Variants in KCNH5 observed in about 807,000 individuals in gnomAD.
The protein encoded by KCNH5 is voltage-gated delayed rectifier potassium channel KCNH5.
In KCNH5, 46 loss-of-function variants were observed where a neutral mutation model predicts 96.1. The observed-to-expected ratio is 0.48, with a 90% CI of 0.38 to 0.61. The LOEUF (loss-of-function observed/expected upper bound fraction) is 0.61, where lower values mean the gene tolerates loss of function less well. KCNH5 is among the 20% of genes least tolerant of loss of function. The pLI is 0.00. For missense variants in KCNH5, 907 were observed against 1,225.8 expected (o/e 0.74, Z 3.88); for synonymous variants, 439 against 449.8 (o/e 0.98, Z 0.30).
At position 62,707,587 on chromosome 14, in the gene KCNH5, G is replaced by T; in HGVS notation, c.2888C>A (p.Pro963His). The T allele has an allele frequency of 1.3e-6, 2 of 1,531,652 alleles. No individual in the cohort carries two copies. Among genetic ancestry groups the T allele is most frequent in the Middle Eastern group, 1.8e-4 (1 of 5,660 alleles). 94.9% of individuals were successfully genotyped at this position (1,531,652 alleles called of 1,614,324 possible). The change falls in exon 11 of 11, where the codon CCC (proline) becomes CAC (histidine). Residue 963 changes from proline to histidine, a missense_variant. By Grantham distance (77) the Pro-to-His change is moderately conservative. Coordinates refer to ENST00000322893, the MANE Select transcript of KCNH5 (RefSeq NM_139318.5). ...PKSQMPLQVP[P>H]QIPCQDIFSV... is the part of the protein sequence containing the mutation. ...AAAAATATCCTGACATGGTATCTGG[G>T]GGGGTACTTGGAGTGGCATTTGGGA...
intron 6 of KCNH5, among the ~76,000 whole-genome samples, chr14:62,978,809 G>T (rs537522289): frequency 6.6e-6 from 1 of 152,206 alleles, no homozygotes; most frequent in East Asian, 1.9e-4. Flanking sequence ...ATAATTGCAT[G>T]TATTTACTAT....
At chr14:62,773,268 A>G (rs1351733558) in intron 10 of KCNH5, among the ~76,000 whole-genome samples, 1 of 152,244 alleles carries the variant, frequency 6.6e-6, no homozygotes, top group East Asian at 1.9e-4. Context: ...ATAAAATGAA[A>G]TTGGTGATAT....
intron 7 of KCNH5, among the ~76,000 whole-genome samples, chr14:62,903,560 G>T (rs949766348): frequency 3.3e-5 from 5 of 152,158 alleles, no homozygotes; most frequent in Admixed American, 3.3e-4. Flanking sequence ...TAATATGTAA[G>T]GTCCTCTTCA....
chr14:62,872,491 C>A (rs1048369816), intron 7 of KCNH5, among the ~76,000 whole-genome samples: 5 of 152,068 alleles, frequency 3.3e-5, no homozygotes, highest in Non-Finnish European at 5.9e-5. Flanking sequence ...GAGATCAAGA[C>A]CATTCTAGCT....
intron 8 of KCNH5, among the ~76,000 whole-genome samples, chr14:62,804,248 A>G (rs1034559553): frequency 6.6e-6 from 1 of 152,124 alleles, no homozygotes; most frequent in Non-Finnish European, 1.5e-5. Context: ...CTGCTCACCC[A>G]CCTTTCTGAA....
intron 8 of KCNH5, among the ~76,000 whole-genome samples, chr14:62,808,196 T>C (rs1886807007): frequency 6.6e-6 from 1 of 152,154 alleles, no homozygotes; most frequent in African/African-American, 2.4e-5. Context: ...GGACTTTTGG[T>C]AAAAGATTCT....
chr14:62,969,984 G>C (rs1487913661), intron 6 of KCNH5, among the ~76,000 whole-genome samples: 1 of 141,304 alleles, frequency 7.1e-6, no homozygotes, highest in Non-Finnish European at 1.5e-5. Flanking sequence ...GTTGCAGTGA[G>C]CTGAGACTGC....
At chr14:62,827,768 C>A (rs1017376507) in intron 8 of KCNH5, among the ~76,000 whole-genome samples, 2 of 152,070 alleles carry the variant, frequency 1.3e-5, no homozygotes, top group African/African-American at 2.4e-5. Flanking sequence ...CCCAGGTATA[C>A]AATGGGCCAG....
intron 8 of KCNH5, among the ~76,000 whole-genome samples, chr14:62,848,804 G>A (rs1282878532): frequency 1.3e-5 from 2 of 152,114 alleles, no homozygotes; most frequent in East Asian, 3.9e-4. Flanking sequence ...GGCCAGGAAA[G>A]TATTATGCCA....
At chr14:62,809,456 G>A (rs1037817431) in intron 8 of KCNH5, among the ~76,000 whole-genome samples, 5 of 152,034 alleles carry the variant, frequency 3.3e-5, no homozygotes, top group African/African-American at 1.2e-4. Context: ...CAGGGTTTCT[G>A]ACCTATGGTA....
At chr14:62,776,087 T>G (rs774679590) in intron 10 of KCNH5, among the ~76,000 whole-genome samples, 3 of 152,018 alleles carry the variant, frequency 2.0e-5, no homozygotes, top group Admixed American at 6.5e-5. Flanking sequence ...ACCAACATGG[T>G]GAAACCCTGT....
At chr14:62,971,805 A>T (rs1040527870) in intron 6 of KCNH5, among the ~76,000 whole-genome samples, 1 of 148,788 alleles carries the variant, frequency 6.7e-6, no homozygotes, top group Non-Finnish European at 1.5e-5. Context: ...TAGCCAAATT[A>T]AAAAAAAAAG....
intron 9 of KCNH5, among the ~76,000 whole-genome samples, chr14:62,798,445 A>C (rs529424624): frequency 1.4e-4 from 22 of 152,338 alleles, no homozygotes; most frequent in African/African-American, 5.3e-4. Flanking sequence ...AAATCTGTTC[A>C]CATTAAGTAA....
At chr14:62,831,374 A>C (rs946539346) in intron 8 of KCNH5, among the ~76,000 whole-genome samples, 9 of 152,174 alleles carry the variant, frequency 5.9e-5, no homozygotes, top group Non-Finnish European at 1.0e-4. Context: ...TAATCTGTAA[A>C]TTTAGAGAAA....
intron 7 of KCNH5, among the ~76,000 whole-genome samples, chr14:62,884,354 G>T (rs781304680): frequency 7.7e-4 from 117 of 152,190 alleles, no homozygotes; most frequent in Non-Finnish European, 1.4e-3. Context: ...GCCGGGCACG[G>T]TGGTTCACAC....
At position 63,004,078 on chromosome 14, in the gene KCNH5, A is replaced by G. The variant is rs563468367; in HGVS notation, c.304+2288T>C. On this transcript the variant is annotated intron_variant, in intron 3 of 10. Transcript: ENST00000322893. ...GATGCCGCAATTCCCCCATTTGCAA[A>G]ATGGTGTTTAACTTAATTGCTTAAA... 9.9e-5 allele frequency among the ~76,000 whole-genome samples: 15 copies of G among 152,252 alleles called. No individual in the cohort carries two copies. In the South Asian group the frequency reaches 3.1e-3, roughly 32 times the overall value.
At chr14:62,988,895 T>C (rs1890759816) in intron 4 of KCNH5, among the ~76,000 whole-genome samples, 1 of 151,978 alleles carries the variant, frequency 6.6e-6, no homozygotes, top group Non-Finnish European at 1.5e-5. Flanking sequence ...ACTGACACCA[T>C]CTTCCCCCTT....
intron 1 of KCNH5, 37 bp downstream of exon 1, chr14:63,045,077 T>G (rs1253269783): frequency 1.3e-6 from 2 of 1,507,168 alleles, no homozygotes; most frequent in Admixed American, 3.3e-5. Context: ...GTGGGCGGGA[T>G]GGAGGTGGGG....
chr14:62,765,172 G>A lies in KCNH5; in HGVS notation c.2019+14556C>T, dbSNP rs150957297. The stretch of plus-strand genomic sequence containing the variant: ...GCAGCATTGTACTGGTACAAAAATG[G>A]ACACATAGACCAATGGAACAAGTTA... On this transcript the variant is annotated intron_variant, in intron 10 of 10. Coordinates refer to ENST00000322893, the MANE Select transcript of KCNH5 (RefSeq NM_139318.5). 9.8e-3 allele frequency among the ~76,000 whole-genome samples: 1,493 copies of A among 152,168 alleles called. 10 individuals are homozygous for A. Among genetic ancestry groups the A allele is most frequent in the Non-Finnish European group, 0.015 (991 of 67,992 alleles).
Sources: allele counts gnomAD v4.1 joint callset (sites outside exome capture counted in the v4.1 genomes callset), GRCh38; gene constraint gnomAD v4.1.1; transcripts MANE v1.5; gene names NCBI Gene and HGNC (gene_info 2026-07-23, HGNC 2026-07-21).